Variants in FBRSL1 observed in about 807,000 individuals in gnomAD.
The protein encoded by FBRSL1 is fibrosin like 1.
A neutral mutation model predicts 89.6 loss-of-function variants in FBRSL1; 51 were observed. That is an observed-to-expected ratio of 0.57 (90% CI 0.45 to 0.72). The LOEUF is 0.72. FBRSL1 is among the 30% of genes least tolerant of loss of function. FBRSL1 has a pLI of 0.00. For missense variants in FBRSL1, 1,618 were observed against 1,451.8 expected (o/e 1.11, Z -1.86); for synonymous variants, 779 against 681.1 (o/e 1.14, Z -2.24).
In FBRSL1 at chr12:132,499,886, G is replaced by A. The variant is rs2032686651; in HGVS notation, c.292-8267G>A. Among the ~76,000 whole-genome samples the A allele has an allele frequency of 6.6e-6, 1 of 152,208 alleles. No individual in the cohort carries two copies. Among genetic ancestry groups the A allele is most frequent in the Non-Finnish European group, 1.5e-5 (1 of 68,026 alleles). On this transcript the variant is annotated intron_variant, in intron 1 of 18. Coordinates refer to ENST00000680143, the MANE Select transcript of FBRSL1 (RefSeq NM_001367871.1). The surrounding 1 kb of genome is among the most constrained non-coding windows in gnomAD (Gnocchi z 4.3). ...GAGCCCCAGCTCCGTTGGCGCAGCA[G>A]AGCTGTGCTGATCTGGTTTGTGAGC... is the stretch of plus-strand genomic sequence containing the variant.
At chr12:132,495,791 G>A (rs888645942) in intron 1 of FBRSL1, among the ~76,000 whole-genome samples, 10 of 152,216 alleles carry the variant, frequency 6.6e-5, no homozygotes, top group Middle Eastern at 3.2e-3. Context: ...CCACGTGGGT[G>A]CCCGCCACCT....
In FBRSL1 at chr12:132,513,450, G is replaced by T. The variant is rs569093106; in HGVS notation, c.489+5100G>T. 3.2e-4 allele frequency among the ~76,000 whole-genome samples: 48 copies of T among 152,240 alleles called. 3 individuals are homozygous for T. The highest frequency in any genetic ancestry group is 3.1e-3 in the East Asian group (16 of 5,170). ...GGGTGACAGTGGGGATCTGGGGGAGGCTGCCCGCTGCCCGACTACAGAGAC... is the reference window on the plus strand; with the variant it reads ...GGGTGACAGTGGGGATCTGGGGGAGTCTGCCCGCTGCCCGACTACAGAGAC... On this transcript the variant is annotated intron_variant, in intron 2 of 18. Transcript: ENST00000680143.
rs989989908 is a variant in FBRSL1, at chr12:132,571,179, C to T, written c.1325C>T (p.Pro442Leu). The T allele has an allele frequency of 3.0e-5, 43 of 1,431,130 alleles. No homozygotes were observed. The highest frequency in any genetic ancestry group is 1.1e-4 in the African/African-American group (8 of 69,592). 88.7% of individuals were successfully genotyped at this position (1,431,130 alleles called of 1,614,324 possible). The part of the protein sequence containing the change: ...QAPLLPAPLG[P>L]HVASGHPGLA... Reference sequence around the variant, plus strand: ...CCTCTCTTACCTGCACCCCTGGGCCCGCACGTGGCGAGCGGCCACCCCGGC... The same window carrying T: ...CCTCTCTTACCTGCACCCCTGGGCCTGCACGTGGCGAGCGGCCACCCCGGC... The change falls in exon 9 of 19, where the codon CCG (proline) becomes CTG (leucine). Residue 442 changes from proline (P) to leucine (L), a missense_variant. By Grantham distance (98) the Pro-to-Leu change is moderately conservative (BLOSUM62 -3). Transcript: ENST00000680143.
Position 132,571,144 on chromosome 12 carries a change from G to A in FBRSL1, c.1290G>A (p.Trp430Ter), listed in dbSNP as rs2039980996. The change falls in exon 9 of 19, where the codon TGG becomes TGA. Residue 430 changes from tryptophan (W) to a stop codon, truncating the protein, a stop_gained. Transcript: ENST00000680143. LOFTEE classifies it high-confidence loss of function. ...ATTCGGGAATTCTGATTGGTACTTG[G>A]TCACAGGCTCCTCTCTTACCTGCAC... ...QPHSGILIGT[W>*]SQAPLLPAPL... 1 of 1,397,622 alleles carries A rather than the reference G, an allele frequency of 7.2e-7. No individual in the cohort carries two copies. Among genetic ancestry groups the A allele is most frequent in the Admixed American group, 2.9e-5 (1 of 33,918 alleles). The allele number at this position is 1,397,622 out of a possible 1,614,324, so 86.6% of individuals were successfully genotyped here. A position where few individuals can be genotyped will look rare whatever the true frequency, so the allele number is the denominator to read the frequency against.
In FBRSL1 at chr12:132,584,635, T is replaced by TC. The variant is rs56359707; in HGVS notation, c.*862dup. ...CCCCTGGGTCCGTGGAGGGGTTGGG[T>TC]CCCCCAGCAGAGCCCCTGGGCCAGC... On this transcript the variant is annotated 3_prime_UTR_variant, in exon 19 of 19. Coordinates refer to ENST00000680143, the MANE Select transcript of FBRSL1 (RefSeq NM_001367871.1). The TC allele has an allele frequency of 0.9, 137,058 of 152,246 alleles. 61,797 individuals are homozygous for TC. Among genetic ancestry groups the TC allele is most frequent in the East Asian group, 0.99 (5,131 of 5,180 alleles). The allele number at this position is 152,246 out of a possible 1,614,324, so 9.4% of individuals were successfully genotyped here.
At chr12:132,534,402 C>T (rs1054196260) in intron 4 of FBRSL1, among the ~76,000 whole-genome samples, 1 of 152,248 alleles carries the variant, frequency 6.6e-6, no homozygotes, top group Non-Finnish European at 1.5e-5. Context: ...GGAGACCTCG[C>T]CTCCATCTGC....
intron 2 of FBRSL1, among the ~76,000 whole-genome samples, chr12:132,516,337 A>C (rs535618115): frequency 9.2e-5 from 14 of 152,218 alleles, no homozygotes; most frequent in Non-Finnish European, 1.5e-4. Context: ...GGCAAGTGCC[A>C]CCACGCCCAG....
chr12:132,566,281 A>G (rs1361484697), intron 5 of FBRSL1: 2 of 151,708 alleles, frequency 1.3e-5, no homozygotes, highest in East Asian at 4.0e-4. Flanking sequence ...GAGGCTCCAC[A>G]CTCAAGACCT....
Position 132,536,355 on chromosome 12 carries a change from TATG to T in FBRSL1, c.615+8370_615+8372del, listed in dbSNP as rs1253567887. 1.1e-4 allele frequency among the ~76,000 whole-genome samples: 16 copies of T among 150,522 alleles called. No individual in the cohort carries two copies. In the East Asian group the frequency reaches 2.2e-3, roughly 20 times the overall value. Reference sequence around the variant, plus strand: ...TGTGTGTGCCACGTGTACATGACAATATGATTGTGTACATGATGGTGTGTGTGC... The same window carrying T: ...TGTGTGTGCCACGTGTACATGACAATATTGTGTACATGATGGTGTGTGTGC... On this transcript the variant is annotated intron_variant, in intron 4 of 18. Transcript: ENST00000680143.
chr12:132,583,498 T>TGCCGCCC lies in FBRSL1; in HGVS notation c.2737_2743dup (p.Pro915ArgfsTer113). 3 of 1,043,828 alleles carry TGCCGCCC rather than the reference T, an allele frequency of 2.9e-6. No individual in the cohort carries two copies. The highest frequency in any genetic ancestry group is 3.5e-6 in the Non-Finnish European group (3 of 867,566). 64.7% of individuals were successfully genotyped at this position (1,043,828 alleles called of 1,614,324 possible). ...CTGGAGCGCGCGCGGGCCCCGCACCTGCCGCCCGCCGCCCCCGCCTTGGAC... is the reference window on the plus strand; with the variant it reads ...CTGGAGCGCGCGCGGGCCCCGCACCTGCCGCCCGCCGCCCGCCGCCCCCGCCTTGGAC... On this transcript the variant is annotated frameshift_variant, in exon 19 of 19. Transcript: ENST00000680143. LOFTEE classifies it high-confidence loss of function.
intron 2 of FBRSL1, among the ~76,000 whole-genome samples, chr12:132,520,230 C>T (rs1182405265): frequency 6.6e-6 from 1 of 151,404 alleles, no homozygotes; most frequent in East Asian, 2.0e-4. Context: ...CTCCTTGCAC[C>T]CTCCAGCAAC....
At chr12:132,538,539 G>A (rs901706625) in intron 4 of FBRSL1, among the ~76,000 whole-genome samples, 5 of 152,204 alleles carry the variant, frequency 3.3e-5, no homozygotes, top group African/African-American at 4.8e-5. Context: ...GGGCCGCCAC[G>A]TGGCACAGCC....
At chr12:132,534,355 C>T (rs529226447) in intron 4 of FBRSL1, among the ~76,000 whole-genome samples, 71 of 152,386 alleles carry the variant, frequency 4.7e-4, no homozygotes, top group South Asian at 1.2e-3. Context: ...GACTCCTCCA[C>T]CTGTGGTATT....
intron 2 of FBRSL1, 112 bp downstream of exon 2, chr12:132,508,462 G>C (rs2033949093): frequency 8.3e-7 from 1 of 1,209,602 alleles, no homozygotes; most frequent in East Asian, 2.6e-5. Context: ...CTGCCTGGCA[G>C]CGCGCCCATC....
intron 5 of FBRSL1, among the ~76,000 whole-genome samples, chr12:132,559,203 C>A (rs1221979204): frequency 6.6e-6 from 1 of 152,222 alleles, no homozygotes; most frequent in African/African-American, 2.4e-5. Flanking sequence ...GGGTTCAGGG[C>A]GGTGGTCTTG....
intron 5 of FBRSL1, among the ~76,000 whole-genome samples, chr12:132,555,915 A>T (rs2038595902): frequency 6.6e-6 from 1 of 152,040 alleles, no homozygotes; most frequent in Non-Finnish European, 1.5e-5. Context: ...ACCAGCCTTC[A>T]GGGCCGGTTG....
At chr12:132,511,980 G>T (rs895969768) in intron 2 of FBRSL1, 112 of 985,330 alleles carry the variant, frequency 1.1e-4, no homozygotes, top group Non-Finnish European at 1.3e-4. Flanking sequence ...TTAAACAGAC[G>T]AGCATGTGTC....
intron 15 of FBRSL1, 124 bp from the exon 16 acceptor site, chr12:132,581,315 C>T: frequency 6.5e-7 from 1 of 1,538,368 alleles, no homozygotes; most frequent in Non-Finnish European, 8.8e-7. Context: ...CCCCTCAGGG[C>T]ATGCGAGAGA....
At chr12:132,525,612 C>T (rs975794277) in intron 2 of FBRSL1, 122 bp from the exon 3 acceptor site, 33 of 757,342 alleles carry the variant, frequency 4.4e-5, no homozygotes, top group Admixed American at 9.9e-5. Flanking sequence ...CAGCGGCTGT[C>T]GGGGCGCCTG....
Sources: gnomAD v4.1 joint callset for allele counts (sites outside exome capture counted in the v4.1 genomes callset) on GRCh38, gnomAD v4.1.1 for gene constraint, Gnocchi (gnomAD v3.1) non-coding constraint, MANE v1.5 for transcripts, NCBI Gene and HGNC (gene_info 2026-07-23, HGNC 2026-07-21) for gene names.